The following MCCC1 variants were observed in gnomAD, a reference collection of about 807,000 sequenced individuals.
The protein encoded by MCCC1 is methylcrotonyl-CoA carboxylase subunit 1, also known as methylcrotonoyl-CoA carboxylase subunit alpha, mitochondrial.
A neutral mutation model predicts 83.8 loss-of-function variants in MCCC1; 64 were observed. The ratio of observed to expected loss-of-function variants is 0.76; its 90% CI spans 0.62 to 0.94. The LOEUF is 0.94. Among genes scored for constraint, MCCC1 ranks in the 40% least tolerant of loss-of-function variants. MCCC1 has a pLI of 0.00. For missense variants in MCCC1, 807 were observed against 904.7 expected (o/e 0.89, Z 1.39); for synonymous variants, 322 against 315.4 (o/e 1.02, Z -0.22).
At chr3:183,088,468 A>G (rs1718077968) in intron 3 of MCCC1, among the ~76,000 whole-genome samples, 1 of 152,104 alleles carries the variant, frequency 6.6e-6, no homozygotes, top group African/African-American at 2.4e-5. Context: ...GGGCCTCTCA[A>G]AGTGCTGGGA....
chr3:183,099,061 C>T (rs1195248883), intron 1 of MCCC1: 4 of 556,314 alleles, frequency 7.2e-6, no homozygotes, highest in South Asian at 2.1e-5. Flanking sequence ...GCTGCAGCGA[C>T]GGCGAGGGGA....
chr3:183,038,428 G>C (rs774109626), intron 12 of MCCC1, among the ~76,000 whole-genome samples: 4 of 152,056 alleles, frequency 2.6e-5, no homozygotes, highest in Non-Finnish European at 5.9e-5. Context: ...AGTGTGGTTG[G>C]AGCCACAGAG....
intron 1 of MCCC1, among the ~76,000 whole-genome samples, chr3:183,098,289 G>A (rs1718890627): frequency 6.6e-6 from 1 of 152,064 alleles, no homozygotes; most frequent in African/African-American, 2.4e-5. Flanking sequence ...AACTAAAAAG[G>A]GCATCTACAA....
chr3:183,062,575 G>A lies in MCCC1; in HGVS notation c.762-5153C>T, dbSNP rs193045590. Among the ~76,000 whole-genome samples, 8 of 152,122 alleles carry A rather than the reference G, an allele frequency of 5.3e-5. No individual in the cohort carries two copies. In the East Asian group the frequency reaches 1.2e-3, roughly 22 times the overall value. ...TCACCGTGTTGCCCAGGCTGGTCTCGAACTCCTGAGCTCAGGCAATCTGCC... is the reference window on the plus strand; with the variant it reads ...TCACCGTGTTGCCCAGGCTGGTCTCAAACTCCTGAGCTCAGGCAATCTGCC... On this transcript the variant is annotated intron_variant, in intron 7 of 18. Coordinates refer to ENST00000265594, the MANE Select transcript of MCCC1 (RefSeq NM_020166.5).
chr3:183,076,000 C>T (rs1717045668), intron 4 of MCCC1, among the ~76,000 whole-genome samples: 1 of 152,136 alleles, frequency 6.6e-6, no homozygotes, highest in South Asian at 2.1e-4. Context: ...CTATACTAGG[C>T]AAATGAAACA....
chr3:183,019,531 CCAGA>C (rs1711971800), intron 17 of MCCC1, among the ~76,000 whole-genome samples: 1 of 152,162 alleles, frequency 6.6e-6, no homozygotes, highest in Admixed American at 6.5e-5. Context: ...TAGACTCTCA[CCAGA>C]CACTTAATCT....
At chr3:183,046,069 A>C (rs1163121422) in intron 9 of MCCC1, among the ~76,000 whole-genome samples, 1 of 152,232 alleles carries the variant, frequency 6.6e-6, no homozygotes, top group African/African-American at 2.4e-5. Context: ...ATTAAGGTTT[A>C]ATTTTAGACA....
At chr3:183,099,698 T>G, upstream of MCCC1, 1 of 584,016 alleles carries the variant, frequency 1.7e-6, no homozygotes, top group South Asian at 2.0e-5. Context: ...CTGCGTCCCC[T>G]GGGGCCTGCT....
chr3:183,048,064 A>G (rs375636215), intron 9 of MCCC1, among the ~76,000 whole-genome samples: 2 of 152,344 alleles, frequency 1.3e-5, no homozygotes, highest in African/African-American at 4.8e-5. Flanking sequence ...GGAATTTTTC[A>G]GCTGCATTTT....
In MCCC1 at chr3:183,037,388, C is replaced by T; in HGVS notation, c.1424G>A (p.Gly475Asp). Residue 475 changes from glycine (G) to aspartate (D), a missense_variant, in exon 13 of 19, where the codon GGC becomes GAC. Transcript: ENST00000265594. ...TNIDFLLNLS[G>D]HPEFEAGNVH... The stretch of plus-strand genomic sequence containing the variant: ...GTTCCCAGCTTCAAACTCTGGGTGG[C>T]CAGACAGGTTGAGTAAGAAGTCAAT... 6.2e-7 allele frequency: 1 copy of T among 1,614,098 alleles called. No individual in the cohort carries two copies.
At chr3:183,065,637 TTTTTG>T (rs1441764635) in intron 7 of MCCC1, among the ~76,000 whole-genome samples, 1 of 151,798 alleles carries the variant, frequency 6.6e-6, no homozygotes, top group Non-Finnish European at 1.5e-5. Flanking sequence ...ATGTGGATTT[TTTTTG>T]TCTAGATTAA....
chr3:183,032,380 T>C (rs1378938281), intron 14 of MCCC1, among the ~76,000 whole-genome samples: 2 of 152,204 alleles, frequency 1.3e-5, no homozygotes, highest in Non-Finnish European at 2.9e-5. Context: ...TACTTCCAGA[T>C]TTGGGGGGTT....
At chr3:183,038,926 A>T (rs967516534) in intron 12 of MCCC1, 100 bp downstream of exon 12, 2 of 1,081,292 alleles carry the variant, frequency 1.8e-6, no homozygotes, top group African/African-American at 3.1e-5. Context: ...ATGGAAATAG[A>T]AAATATGCTG....
chr3:183,101,779 C>T (rs1246975977), upstream of MCCC1, among the ~76,000 whole-genome samples: 1 of 152,204 alleles, frequency 6.6e-6, no homozygotes, highest in South Asian at 2.1e-4. Flanking sequence ...CTCTTTGGGT[C>T]CACGCTGCTT....
At chr3:183,040,666 T>A (rs1210218310) in intron 11 of MCCC1, among the ~76,000 whole-genome samples, 4 of 152,014 alleles carry the variant, frequency 2.6e-5, no homozygotes, top group East Asian at 1.9e-4. Flanking sequence ...AAGGTTGTAG[T>A]GAGCTGAGAT....
chr3:183,015,228 A>G lies in MCCC1; in HGVS notation c.*210T>C. 1 of 600,350 alleles carries G rather than the reference A, an allele frequency of 1.7e-6. No individual in the cohort carries two copies. Among genetic ancestry groups the G allele is most frequent in the South Asian group, 2.0e-5 (1 of 50,476 alleles). The allele number at this position is 600,350 out of a possible 1,614,324, so 37.2% of individuals were successfully genotyped here. On this transcript the variant is annotated 3_prime_UTR_variant, in exon 19 of 19. Transcript: ENST00000265594. ...AGGCAGAAACAAACATTGGCTTCCA[A>G]TAAAAAATAATTCAACTTTATTAGT...
At chr3:183,085,630 TAAAAAAAAAAAA>T (rs57408690) in intron 4 of MCCC1, among the ~76,000 whole-genome samples, 2 of 103,296 alleles carry the variant, frequency 1.9e-5, no homozygotes, top group Admixed American at 1.1e-4. Context: ...ACCCTGTCTT[TAAAAAAAAAAAA>T]AAAAAAAAAA....
chr3:183,078,419 A>G (rs540226109), intron 4 of MCCC1, among the ~76,000 whole-genome samples: 1 of 152,310 alleles, frequency 6.6e-6, no homozygotes, highest in South Asian at 2.1e-4. Flanking sequence ...CTATTTTAGG[A>G]TTAGCTTATC....
At position 183,037,366 on chromosome 3, in the gene MCCC1, C is replaced by G; in HGVS notation, c.1446G>C (p.Gly482=). 1.2e-6 allele frequency: 2 copies of G among 1,614,126 alleles called. No homozygotes were observed. The highest frequency in any genetic ancestry group is 1.7e-6 in the Non-Finnish European group (2 of 1,180,030). ...NLSGHPEFEA[G]NVHTDFIPQH... ...GAGGGATGAAATCAGTGTGCACGTT[C>G]CCAGCTTCAAACTCTGGGTGGCCAG... Residue 482 remains glycine, a synonymous_variant, in exon 13 of 19, where the codon GGG becomes GGC. Transcript: ENST00000265594.
Sources: allele counts gnomAD v4.1 joint callset (sites outside exome capture counted in the v4.1 genomes callset), GRCh38; gene constraint gnomAD v4.1.1; transcripts MANE v1.5; gene names NCBI Gene and HGNC (gene_info 2026-07-23, HGNC 2026-07-21).